Variants in HEXA observed in about 807,000 individuals in gnomAD.
The protein encoded by HEXA is beta-hexosaminidase subunit alpha.
HEXA carries 54 observed loss-of-function variants against 73.3 expected under a neutral mutation model. The observed-to-expected ratio is 0.74, with a 90% confidence interval of 0.59 to 0.92. The LOEUF (loss-of-function observed/expected upper bound fraction) is 0.92. HEXA is among the 40% of genes least tolerant of loss of function. The pLI, the probability that HEXA is intolerant of heterozygous loss-of-function variation, is 0.00. For missense variants in HEXA, 649 were observed against 653.0 expected, an observed-to-expected ratio of 0.99 and a Z score of 0.07; for synonymous variants, 230 against 246.9, an observed-to-expected ratio of 0.93 and a Z score of 0.64.
At chr15:72,359,687 C>A (rs1337977983) in intron 1 of HEXA, 2 of 48,486 alleles carry the variant, frequency 4.1e-5, no homozygotes, top group South Asian at 1.1e-3. Context: ...TAGAGTGAAA[C>A]TGTCTCAAAA....
At position 72,352,447 on chromosome 15, in the gene HEXA, C is replaced by CAA. The variant is rs540544720; in HGVS notation, c.570+619_570+620dup. ...CGAAACCCCAGCTCTACAAAAAATA[C>CAA]AAAAAAAAAAAAAAAAAATTGAGAC... On this transcript the variant is annotated intron_variant, in intron 5 of 13. Transcript: ENST00000268097. Among the ~76,000 whole-genome samples, 357 of 67,182 alleles carry CAA rather than the reference C, an allele frequency of 5.3e-3. 2 individuals carry two copies. The highest frequency in any genetic ancestry group is 8.9e-3 in the African/African-American group (192 of 21,578). 44.1% of individuals were successfully genotyped at this position (67,182 alleles called of 152,430 possible). A position where few individuals can be genotyped will look rare whatever the true frequency, so the allele number is the denominator to read the frequency against.
intron 1 of HEXA, among the ~76,000 whole-genome samples, chr15:72,363,771 G>A (rs1595808487): frequency 6.6e-6 from 1 of 151,724 alleles, no homozygotes; most frequent in Admixed American, 6.6e-5. Flanking sequence ...ATCTTTTTTT[G>A]GGAAAAGCTG....
intron 7 of HEXA, 75 bp downstream of exon 7, chr15:72,350,443 C>T (rs2088679457): frequency 6.6e-7 from 1 of 1,505,246 alleles, no homozygotes; most frequent in South Asian, 1.1e-5. Flanking sequence ...TATGCCACTT[C>T]CATGAGCCAG....
chr15:72,347,313 C>T (rs59427837), intron 10 of HEXA, among the ~76,000 whole-genome samples: 4,688 of 150,678 alleles, frequency 0.031, 215 homozygotes, highest in African/African-American at 0.1. Context: ...CACTCTGTTG[C>T]CCAGGGTTGA....
chr15:72,357,698 C>T (rs2088803716), intron 1 of HEXA: 1 of 152,122 alleles, frequency 6.6e-6, no homozygotes, highest in Non-Finnish European at 1.5e-5. Context: ...AATTCAGAAC[C>T]AAACTGGAAT....
chr15:72,360,767 G>A (rs1477503470), intron 1 of HEXA, among the ~76,000 whole-genome samples: 3 of 152,174 alleles, frequency 2.0e-5, no homozygotes, highest in Middle Eastern at 6.3e-3. Context: ...CTTTCTAGCT[G>A]CAGGCCTTCT....
chr15:72,365,018 G>T, intron 1 of HEXA, among the ~76,000 whole-genome samples: 1 of 151,808 alleles, frequency 6.6e-6, no homozygotes, highest in East Asian at 1.9e-4. Context: ...TAGAGACAGG[G>T]TCTCACTATG....
intron 1 of HEXA, among the ~76,000 whole-genome samples, chr15:72,375,321 C>G (rs1328192938): frequency 6.6e-6 from 1 of 152,140 alleles, no homozygotes; most frequent in Non-Finnish European, 1.5e-5. Context: ...AACTCCTGAC[C>G]TCGTGATCCG....
chr15:72,350,720 G>C (rs2088683970), intron 6 of HEXA, 70 bp from the exon 7 acceptor site: 1 of 1,579,626 alleles, frequency 6.3e-7, no homozygotes. Flanking sequence ...TACTCAAAAT[G>C]CCCACAAGAC....
Position 72,343,520 on chromosome 15 carries a change from A to C in HEXA, c.*557T>G, listed in dbSNP as rs1486050685. ...AAGAAACCCAAAGGAGAATAGCTCT[A>C]GGGGAGGGAGGTGGATGAGTATGCA... On this transcript the variant is annotated 3_prime_UTR_variant, in exon 14 of 14. Transcript: ENST00000268097. 6.4e-6 allele frequency: 1 copy of C among 156,540 alleles called. No individual in the cohort carries two copies. Among genetic ancestry groups the C allele is most frequent in the Non-Finnish European group, 1.4e-5 (1 of 70,346 alleles). The allele number at this position is 156,540 out of a possible 1,614,324, so 9.7% of individuals were successfully genotyped here.
At chr15:72,362,427 C>T (rs1055337078) in intron 1 of HEXA, 1 of 455,834 alleles carries the variant, frequency 2.2e-6, no homozygotes, top group Admixed American at 2.4e-5. Flanking sequence ...TCTTTGTATT[C>T]CCAGTGCCTG....
intron 1 of HEXA, among the ~76,000 whole-genome samples, chr15:72,368,345 T>C (rs1488454915): frequency 6.6e-6 from 1 of 152,184 alleles, no homozygotes; most frequent in African/African-American, 2.4e-5. Flanking sequence ...GACTGTACAG[T>C]GACAAAAGCA....
intron 1 of HEXA, among the ~76,000 whole-genome samples, chr15:72,372,321 C>G (rs1482805705): frequency 2.0e-5 from 3 of 148,376 alleles, no homozygotes; most frequent in African/African-American, 7.4e-5. Flanking sequence ...TGCATTCCAG[C>G]CTGGGCAACA....
chr15:72,350,207 G>A (rs1032988523), intron 7 of HEXA: 5 of 409,292 alleles, frequency 1.2e-5, no homozygotes, highest in Non-Finnish European at 2.3e-5. Flanking sequence ...GGCTGCCCTT[G>A]GGCTTCTTTC....
At chr15:72,356,045 A>T in intron 2 of HEXA, 1 of 439,086 alleles carries the variant, frequency 2.3e-6, no homozygotes, top group Non-Finnish European at 4.5e-6. Context: ...CCCTTCCTCT[A>T]TGCTTCAGCT....
intron 5 of HEXA, among the ~76,000 whole-genome samples, chr15:72,352,594 CTG>C (rs1242447242): frequency 6.6e-6 from 1 of 151,872 alleles, no homozygotes; most frequent in Non-Finnish European, 1.5e-5. Context: ...TTAAGTCACT[CTG>C]TTATTTTTTG....
chr15:72,351,178 A>C lies in HEXA; in HGVS notation c.627T>G (p.Pro209=), dbSNP rs762581234. 2.5e-6 allele frequency: 4 copies of C among 1,613,382 alleles called. No individual in the cohort carries two copies. Among genetic ancestry groups the C allele is most frequent in the Non-Finnish European group, 3.4e-6 (4 of 1,179,280 alleles). Residue 209 remains proline (P), a synonymous_variant, in exon 6 of 14, where the codon CCT becomes CCG. Transcript: ENST00000268097. ...NVFHWHLVDD[P]SFPYESFTFP... is the part of the protein sequence containing the mutation. The stretch of plus-strand genomic sequence containing the variant: ...AAGTGAAGCTCTCATATGGGAAGGA[A>C]GGATCATCTACCAGATGCCAGTGGA...
rs1171895864 is a variant in HEXA, at chr15:72,350,654, A to G, written c.673-4T>C. The G allele has an allele frequency of 6.2e-7, 1 of 1,614,104 alleles. No individual in the cohort carries two copies. On this transcript the variant is annotated splice_region_variant and splice_polypyrimidine_tract_variant and intron_variant, in intron 6 of 13. Coordinates refer to ENST00000268097, the MANE Select transcript of HEXA (RefSeq NM_000520.6). ...GGGTGACAGGGTTGTAGGACCCCTG[A>G]AAGGCACAAGACACCCTTCAGGTTC...
chr15:72,350,895 T>A (rs1019042960), intron 6 of HEXA: 2 of 621,548 alleles, frequency 3.2e-6, no homozygotes, highest in Admixed American at 5.4e-5. Flanking sequence ...TTTAACAGAA[T>A]ATAAATACAT....
Sources: allele counts gnomAD v4.1 joint callset (sites outside exome capture counted in the v4.1 genomes callset), GRCh38; gene constraint gnomAD v4.1.1; transcripts MANE v1.5; gene names NCBI Gene and HGNC (gene_info 2026-07-23, HGNC 2026-07-21).